PHF12: variants seen among roughly 807,000 people sequenced by gnomAD.
The protein encoded by PHF12 is PHD finger protein 12, also known as PHD factor 1.
A neutral mutation model predicts 99.8 loss-of-function variants in PHF12; 6 were observed. The observed-to-expected ratio is 0.06, with a 90% confidence interval of 0.03 to 0.12. The LOEUF is 0.12. PHF12 is among the 10% of genes least tolerant of loss of function. The pLI, the probability that PHF12 is intolerant of heterozygous loss-of-function variation, is 1.00. For missense variants in PHF12, 954 were observed against 1,300.1 expected (o/e 0.73, Z 4.09); for synonymous variants, 480 against 514.9 (o/e 0.93, Z 0.92).
At chr17:28,927,685 G>A (rs906159411) in intron 2 of PHF12, 7 of 152,472 alleles carry the variant, frequency 4.6e-5, no homozygotes, top group Non-Finnish European at 7.3e-5. Flanking sequence ...AGGTGACAAT[G>A]TTGCAACTTC....
chr17:28,942,121 G>A (rs1267008459), intron 2 of PHF12, among the ~76,000 whole-genome samples: 5 of 152,186 alleles, frequency 3.3e-5, no homozygotes, highest in Non-Finnish European at 4.4e-5. Flanking sequence ...AAATCACATC[G>A]TAAGGTTCTC....
At chr17:28,911,838 C>G (rs146045504) in intron 9 of PHF12, among the ~76,000 whole-genome samples, 2 of 152,178 alleles carry the variant, frequency 1.3e-5, no homozygotes, top group African/African-American at 4.8e-5. Flanking sequence ...GTCCTGAGTG[C>G]TCTCTGGGGA....
In PHF12 at chr17:28,951,127, G is replaced by A. The variant is rs953773279; in HGVS notation, c.-167C>T. On this transcript the variant is annotated 5_prime_UTR_variant, in exon 1 of 15. Coordinates refer to ENST00000332830, the MANE Select transcript of PHF12 (RefSeq NM_001033561.2). ...CCCCACCCCCCGGCCCCCAGTCCCC[G>A]GGACGACAGCGTCCTCCCGACGGGC... 10 of 1,327,330 alleles carry A rather than the reference G, an allele frequency of 7.5e-6. No individual in the cohort carries two copies. The highest frequency in any genetic ancestry group is 9.0e-6 in the Non-Finnish European group (9 of 1,000,104). The allele number at this position is 1,327,330 out of a possible 1,614,324, so 82.2% of individuals were successfully genotyped here.
chr17:28,910,397 G>A (rs536408972), intron 10 of PHF12, 28 bp from the exon 11 acceptor site: 1 of 1,593,882 alleles, frequency 6.3e-7, no homozygotes, highest in South Asian at 1.1e-5. Context: ...AGATTAAAAA[G>A]CAGCTGAGAT....
rs186404410 is a variant in PHF12 at position 28,931,501 on chromosome 17, C to T, written c.249-4438G>A. 2.1e-3 allele frequency among the ~76,000 whole-genome samples: 313 copies of T among 151,940 alleles called. 2 individuals are homozygous for T. Among genetic ancestry groups the T allele is most frequent in the Admixed American group, 0.018 (278 of 15,252 alleles). On this transcript the variant is annotated intron_variant, in intron 2 of 14. Transcript: ENST00000332830. ...TGACCTCCTAACCTCAAGTGATCCA[C>T]CCACCTCAGCCTCCCAAAGTACTGG... is the stretch of plus-strand genomic sequence containing the variant.
At chr17:28,932,161 T>C (rs139369668) in intron 2 of PHF12, among the ~76,000 whole-genome samples, 2,478 of 152,210 alleles carry the variant, frequency 0.016, 60 homozygotes, top group African/African-American at 0.056. Flanking sequence ...AGGCAGGGTC[T>C]CACTCTGTCA....
rs2040111203 is a variant in PHF12 at position 28,919,089 on chromosome 17, A to C, written c.969+54T>G. Reference sequence around the variant, plus strand: ...GACCTTAATATGCTTTCTGCTAATCAGTCCACGCTCCAGCTATGCCCATTG... The same window carrying C: ...GACCTTAATATGCTTTCTGCTAATCCGTCCACGCTCCAGCTATGCCCATTG... On this transcript the variant is annotated intron_variant, in intron 6 of 14. Transcript: ENST00000332830. 40 of 1,547,972 alleles carry C rather than the reference A, an allele frequency of 2.6e-5. No homozygotes were observed. In the South Asian group the frequency reaches 4.6e-4, roughly 18 times the overall value.
chr17:28,914,666 C>G lies in PHF12; in HGVS notation c.1135-629G>C, dbSNP rs2040029157. ...CGGCCTGGGTGAAAGAGCGAGACTC[C>G]GTCTCAAAAAAAAAAAAAAAAAAAA... On this transcript the variant is annotated intron_variant, in intron 7 of 14. Coordinates refer to ENST00000332830, the MANE Select transcript of PHF12 (RefSeq NM_001033561.2). 4.6e-5 allele frequency among the ~76,000 whole-genome samples: 4 copies of G among 86,186 alleles called. No homozygotes were observed. The South Asian group carries it at 2.1e-3, about 45-fold the overall frequency. The allele number at this position is 86,186 out of a possible 152,430, so 56.5% of individuals were successfully genotyped here. A position where few individuals can be genotyped will look rare whatever the true frequency, so the allele number is the denominator to read the frequency against.
At position 28,950,494 on chromosome 17, in the gene PHF12, AGGGTGCGC is replaced by A; in HGVS notation, c.67-256_67-249del. ...GGATCAAGGGTAGGGGGATGGGAAG[AGGGTGCGC>A]GGTTCCCTTCTTGCCACTTCCTTGT... On this transcript the variant is annotated intron_variant, in intron 1 of 14. Transcript: ENST00000332830. The surrounding 1 kb of genome is among the most constrained non-coding windows in gnomAD (Gnocchi z 5.7). 5.3e-6 allele frequency: 3 copies of A among 567,064 alleles called. No homozygotes were observed. Among genetic ancestry groups the A allele is most frequent in the Non-Finnish European group, 9.4e-6 (3 of 320,270 alleles). The allele number at this position is 567,064 out of a possible 1,614,324, so 35.1% of individuals were successfully genotyped here.
intron 3 of PHF12, chr17:28,925,860 C>A (rs1025001265): frequency 1.3e-5 from 2 of 152,258 alleles, no homozygotes; most frequent in African/African-American, 4.8e-5. Flanking sequence ...ATTTCCTTTT[C>A]TCCACCGTCT....
chr17:28,933,105 A>G (rs1347254260), intron 2 of PHF12, among the ~76,000 whole-genome samples: 4 of 152,202 alleles, frequency 2.6e-5, no homozygotes, highest in African/African-American at 7.2e-5. Flanking sequence ...TCATGTATCA[A>G]TGAAGACAGG....
In PHF12 at chr17:28,911,095, G is replaced by T. The variant is rs1296426420; in HGVS notation, c.2215+17C>A. 1 of 1,614,034 alleles carries T rather than the reference G, an allele frequency of 6.2e-7. No individual in the cohort carries two copies. The highest frequency in any genetic ancestry group is 8.5e-7 in the Non-Finnish European group (1 of 1,179,970). On this transcript the variant is annotated intron_variant, in intron 10 of 14. Transcript: ENST00000332830. ...CAACATAGCAAACGGTGGAACAGCA[G>T]CAGCTCATTCACTCACCTCCATTGA...
At chr17:28,941,671 C>A (rs1042243411) in intron 2 of PHF12, among the ~76,000 whole-genome samples, 1 of 151,858 alleles carries the variant, frequency 6.6e-6, no homozygotes, top group Non-Finnish European at 1.5e-5. Flanking sequence ...AGTGCAATGG[C>A]GTGATCACTG....
At position 28,923,983 on chromosome 17, in the gene PHF12, A is replaced by G. The variant is rs2040218356; in HGVS notation, c.641T>C (p.Ile214Thr). 1 of 1,614,096 alleles carries G rather than the reference A, an allele frequency of 6.2e-7. No individual in the cohort carries two copies. Among genetic ancestry groups the G allele is most frequent in the Non-Finnish European group, 8.5e-7 (1 of 1,180,016 alleles). The change falls in exon 4 of 15, where the codon ATT (isoleucine) becomes ACT (threonine). Residue 214 changes from isoleucine to threonine, a missense_variant. Physicochemically the swap from Ile to Thr is moderately conservative, Grantham distance 89. Around this residue, in one of 8 missense-constraint regions of PHF12, gnomAD observed 85 missense variants for 196.6 expected, o/e 0.43. Coordinates refer to ENST00000332830, the MANE Select transcript of PHF12 (RefSeq NM_001033561.2). ...PQLRRPFELLIAAAMERNPTQ... is the reference protein window; with the variant it reads ...PQLRRPFELLTAAAMERNPTQ... Reference sequence around the variant, plus strand: ...GGGGTTCCGCTCCATGGCGGCAGCAATCAGCAGCTCAAAGGGCCGCCTCAG... The same window carrying G: ...GGGGTTCCGCTCCATGGCGGCAGCAGTCAGCAGCTCAAAGGGCCGCCTCAG...
rs200988427 is a variant in PHF12 at position 28,921,692 on chromosome 17, T to C, written c.832A>G (p.Asn278Asp). The C allele has an allele frequency of 2.2e-4, 360 of 1,613,906 alleles. No individual in the cohort carries two copies. The highest frequency in any genetic ancestry group is 3.3e-4 in the Middle Eastern group (2 of 6,084). ...CCTTAGTATGAAAGAAAATACCTGTTACACGTGAAGCAGACTTTGACGGGT... is the reference window on the plus strand; with the variant it reads ...CCTTAGTATGAAAGAAAATACCTGTCACACGTGAAGCAGACTTTGACGGGT... ...PLPVKVCFTC[N>D]RSCRVAPLIQ... The change falls in exon 5 of 15, where the codon AAC becomes GAC. Residue 278 changes from asparagine (N) to aspartate (D), a missense_variant. Physicochemically the swap from Asn to Asp is conservative, Grantham distance 23. Around this residue, in one of 8 missense-constraint regions of PHF12, gnomAD observed 85 missense variants for 196.6 expected, o/e 0.43. Transcript: ENST00000332830.
In PHF12 at chr17:28,949,895, G is replaced by T; in HGVS notation, c.248+170C>A. On this transcript the variant is annotated intron_variant, in intron 2 of 14. Transcript: ENST00000332830. This position sits in a 1 kb window ranked among gnomAD's most constrained non-coding sequence, Gnocchi z 4.6. Reference sequence around the variant, plus strand: ...CACCGCTGCTCCTCCCCGCTAAACTGCCAGAACCCGGCGGACACCTGGGGG... The same window carrying T: ...CACCGCTGCTCCTCCCCGCTAAACTTCCAGAACCCGGCGGACACCTGGGGG... The T allele has an allele frequency of 1.3e-6, 1 of 742,562 alleles. No individual in the cohort carries two copies. The highest frequency in any genetic ancestry group is 2.1e-6 in the Non-Finnish European group (1 of 471,006). The allele number at this position is 742,562 out of a possible 1,614,324, so 46.0% of individuals were successfully genotyped here.
intron 13 of PHF12, 147 bp from the exon 14 acceptor site, chr17:28,907,141 G>A (rs1598113822): frequency 2.2e-6 from 2 of 909,912 alleles, no homozygotes; most frequent in East Asian, 5.2e-5. Context: ...CCTTTCAGAA[G>A]GGGGCTGGAG....
In PHF12 at chr17:28,923,653, C is replaced by CAAAAAAAAAAAAAAAAAAAA. The variant is rs35263191; in HGVS notation, c.715+236_715+255dup. The stretch of plus-strand genomic sequence containing the variant: ...AGCCTGAGTGACAAAGTGAGACTCA[C>CAAAAAAAAAAAAAAAAAAAA]AAAAAAAAAAAAAAAAAAAAAAGGA... On this transcript the variant is annotated intron_variant, in intron 4 of 14. Coordinates refer to ENST00000332830, the MANE Select transcript of PHF12 (RefSeq NM_001033561.2). Among the ~76,000 whole-genome samples, 143 of 43,466 alleles carry CAAAAAAAAAAAAAAAAAAAA rather than the reference C, an allele frequency of 3.3e-3. 9 individuals are homozygous for CAAAAAAAAAAAAAAAAAAAA. The highest frequency in any genetic ancestry group is 0.017 in the Middle Eastern group (1 of 60). 28.5% of individuals were successfully genotyped at this position (43,466 alleles called of 152,430 possible).
chr17:28,934,264 T>A (rs2040466429), intron 2 of PHF12, among the ~76,000 whole-genome samples: 1 of 152,204 alleles, frequency 6.6e-6, no homozygotes, highest in Non-Finnish European at 1.5e-5. Flanking sequence ...AAGACCCACA[T>A]AAAACTCAAT....
Sources: allele counts gnomAD v4.1 joint callset (sites outside exome capture counted in the v4.1 genomes callset), GRCh38; gene constraint gnomAD v4.1.1; regional missense constraint gnomAD v4.1.1; non-coding constraint Gnocchi (gnomAD v3.1); transcripts MANE v1.5; gene names NCBI Gene and HGNC (gene_info 2026-07-23, HGNC 2026-07-21).